ZNF250: variants seen among roughly 807,000 people sequenced by gnomAD.
The protein encoded by ZNF250 is zinc finger protein 250.
A neutral mutation model predicts 37.1 loss-of-function variants in ZNF250; 13 were observed. The observed-to-expected ratio is 0.35, with a 90% CI of 0.23 to 0.56. The LOEUF (loss-of-function observed/expected upper bound fraction) is 0.56, where lower values mean the gene tolerates loss of function less well. ZNF250 is among the 20% of genes least tolerant of loss of function. The pLI, the probability that ZNF250 is intolerant of heterozygous loss-of-function variation, is 0.87. For missense variants in ZNF250, 474 were observed against 697.9 expected, an observed-to-expected ratio of 0.68 and a Z score of 3.61; for synonymous variants, 251 against 265.6, an observed-to-expected ratio of 0.94 and a Z score of 0.54.
chr8:144,891,636 G>A lies in ZNF250; in HGVS notation c.-54-1233C>T, dbSNP rs907166008. On this transcript the variant is annotated intron_variant, in intron 1 of 5. Coordinates refer to ENST00000417550, the MANE Select transcript of ZNF250 (RefSeq NM_001109689.4). This position sits in a 1 kb window ranked among gnomAD's most constrained non-coding sequence, Gnocchi z 4.0. ...GGAGGCCGAGGCAGGCGGATCACCC[G>A]AGGTTGGGAGTTCGAGACCAGCCAT... Among the ~76,000 whole-genome samples the A allele has an allele frequency of 2.0e-5, 3 of 152,146 alleles. No homozygotes were observed. The highest frequency in any genetic ancestry group is 2.9e-5 in the Non-Finnish European group (2 of 68,026).
intron 1 of ZNF250, among the ~76,000 whole-genome samples, chr8:144,900,139 C>A (rs1187343259): frequency 6.6e-6 from 1 of 152,160 alleles, no homozygotes; most frequent in Non-Finnish European, 1.5e-5. Context: ...TTCAATCTCA[C>A]CAATAAACGC....
intron 4 of ZNF250, among the ~76,000 whole-genome samples, chr8:144,888,020 T>C (rs1383063709): frequency 6.6e-6 from 1 of 152,204 alleles, no homozygotes. Flanking sequence ...AAACTGTCCC[T>C]ACTCTCCCCA....
Position 144,886,893 on chromosome 8 carries a change from T to C in ZNF250, c.293A>G (p.Lys98Arg), listed in dbSNP as rs778040644. The C allele has an allele frequency of 1.9e-6, 3 of 1,613,518 alleles. No homozygotes were observed. The highest frequency in any genetic ancestry group is 2.2e-5 in the South Asian group (2 of 91,084). Residue 98 changes from lysine (K) to arginine (R), a missense_variant, in exon 5 of 6, where the codon AAA becomes AGA. By Grantham distance (26) the Lys-to-Arg change is conservative. This residue lies in a region of ZNF250 where 192 missense variants were observed against 227.5 expected (regional missense o/e 0.84). Transcript: ENST00000417550. ...GLWSDYSDNL[K>R]YDHTTACTQQ... ...TGTACAGGCTGTAGTGTGGTCATAT[T>C]TGAGGTTGTCTGGAAAAAAAACAGC... is the stretch of plus-strand genomic sequence containing the variant.
In ZNF250 at chr8:144,882,373, C is replaced by T. The variant is rs1243992414; in HGVS notation, c.810G>A (p.Lys270=). ...RVSSDLAQHH[K]IHTGEKPHEC... ...CGTGAGGCTTCTCTCCTGTATGTAT[C>T]TTGTGATGCTGAGCAAGATCTGAGC... Residue 270 remains lysine, a synonymous_variant, in exon 6 of 6, where the codon AAG becomes AAA. Coordinates refer to ENST00000417550, the MANE Select transcript of ZNF250 (RefSeq NM_001109689.4). This position sits in a 1 kb window ranked among gnomAD's most constrained non-coding sequence, Gnocchi z 5.5. 1 of 1,614,044 alleles carries T rather than the reference C, an allele frequency of 6.2e-7. No individual in the cohort carries two copies. The highest frequency in any genetic ancestry group is 2.2e-5 in the East Asian group (1 of 44,884).
At chr8:144,899,814 C>T (rs2129916696) in intron 1 of ZNF250, among the ~76,000 whole-genome samples, 1 of 152,276 alleles carries the variant, frequency 6.6e-6, no homozygotes, top group South Asian at 2.1e-4. Flanking sequence ...TCCAAACTCA[C>T]CCCACAATAA....
intron 1 of ZNF250, among the ~76,000 whole-genome samples, chr8:144,899,371 CAGA>C (rs1191608465): frequency 2.0e-5 from 3 of 152,008 alleles, no homozygotes; most frequent in African/African-American, 4.8e-5. Context: ...TCAAAACAAC[CAGA>C]AGAAGAGATG....
chr8:144,889,664 G>A lies in ZNF250; in HGVS notation c.200C>T (p.Ser67Phe). The change falls in exon 4 of 6, where the codon TCC becomes TTC. Residue 67 changes from serine to phenylalanine, a missense_variant. Ser to Phe is a radical substitution (Grantham distance 155). Coordinates refer to ENST00000417550, the MANE Select transcript of ZNF250 (RefSeq NM_001109689.4). ...GGGATCTTCCCCTCGCTCCAGCTGG[G>A]AGATTATGTCAGGCTTGGATCCTGG... ...GLPGSKPDII[S>F]QLERGEDPWV... 6.2e-7 allele frequency: 1 copy of A among 1,613,960 alleles called. No homozygotes were observed. Among genetic ancestry groups the A allele is most frequent in the Non-Finnish European group, 8.5e-7 (1 of 1,179,882 alleles).
chr8:144,886,823 AT>A lies in ZNF250; in HGVS notation c.346+16del. The A allele has an allele frequency of 6.2e-7, 1 of 1,610,362 alleles. No individual in the cohort carries two copies. The highest frequency in any genetic ancestry group is 1.1e-5 in the South Asian group (1 of 90,954). ...TCAGAGATTGTACTGAATTAAAAAGATCAGGCATACACTTACCCCATGGACA... is the reference window on the plus strand; with the variant it reads ...TCAGAGATTGTACTGAATTAAAAAGACAGGCATACACTTACCCCATGGACA... On this transcript the variant is annotated intron_variant, in intron 5 of 5. Coordinates refer to ENST00000417550, the MANE Select transcript of ZNF250 (RefSeq NM_001109689.4).
rs543076374 is a variant in ZNF250, at chr8:144,890,066, C to G, written c.43-7G>C. Reference sequence around the variant, plus strand: ...CCTCGAAGGTCAGCTTGGCCTGGAACGACAGGGGCTGCTGCAGGTAAAACC... The same window carrying G: ...CCTCGAAGGTCAGCTTGGCCTGGAAGGACAGGGGCTGCTGCAGGTAAAACC... On this transcript the variant is annotated splice_polypyrimidine_tract_variant and splice_region_variant and intron_variant, in intron 2 of 5. Coordinates refer to ENST00000417550, the MANE Select transcript of ZNF250 (RefSeq NM_001109689.4). The surrounding 1 kb of genome is among the most constrained non-coding windows in gnomAD (Gnocchi z 5.1). 4 of 1,611,388 alleles carry G rather than the reference C, an allele frequency of 2.5e-6. No individual in the cohort carries two copies. The African/African-American group carries it at 5.3e-5, about 21-fold the overall frequency.
intron 5 of ZNF250, among the ~76,000 whole-genome samples, chr8:144,885,783 T>C (rs572923213): frequency 6.6e-6 from 1 of 152,304 alleles, no homozygotes; most frequent in African/African-American, 2.4e-5. Flanking sequence ...AAATAGTTAC[T>C]CATTTACACT....
chr8:144,881,170 T>G lies in ZNF250; in HGVS notation c.*345A>C, dbSNP rs916601009. 12 of 197,808 alleles carry G rather than the reference T, an allele frequency of 6.1e-5. No individual in the cohort carries two copies. The highest frequency in any genetic ancestry group is 1.2e-4 in the Non-Finnish European group (12 of 96,452). 12.3% of individuals were successfully genotyped at this position (197,808 alleles called of 1,614,324 possible). ...AATGTTCTTAGAAAAAGAACTTTAT[T>G]TGGAATGTAAGATTTTATTGGGATA... On this transcript the variant is annotated 3_prime_UTR_variant, in exon 6 of 6. Transcript: ENST00000417550.
chr8:144,891,219 T>C lies in ZNF250; in HGVS notation c.-54-816A>G, dbSNP rs912903578. On this transcript the variant is annotated intron_variant, in intron 1 of 5. Transcript: ENST00000417550. This position sits in a 1 kb window ranked among gnomAD's most constrained non-coding sequence, Gnocchi z 4.0. ...GTCTTCTGGAGCATCAAAAAGAAGA[T>C]ACTGTGACAGGGATACAGAAACCAA... is the stretch of plus-strand genomic sequence containing the variant. Among the ~76,000 whole-genome samples the C allele has an allele frequency of 6.6e-5, 10 of 152,144 alleles. No homozygotes were observed. In the South Asian group the frequency reaches 1.7e-3, roughly 25 times the overall value.
intron 1 of ZNF250, among the ~76,000 whole-genome samples, chr8:144,894,480 T>G (rs1832574587): frequency 6.6e-6 from 1 of 151,994 alleles, no homozygotes; most frequent in South Asian, 2.1e-4. Context: ...CTTAGAGACC[T>G]CTGCCCCACC....
intron 4 of ZNF250, among the ~76,000 whole-genome samples, chr8:144,888,793 G>T (rs1056547424): frequency 2.0e-5 from 3 of 151,790 alleles, no homozygotes; most frequent in African/African-American, 7.3e-5. Context: ...CTGTCCCCCA[G>T]GCTGGAGTGC....
Position 144,880,245 on chromosome 8 carries a change from G to A in ZNF250, c.*1270C>T. 3.6e-6 allele frequency: 1 copy of A among 280,662 alleles called. No homozygotes were observed. The highest frequency in any genetic ancestry group is 7.4e-6 in the Non-Finnish European group (1 of 135,488). The allele number at this position is 280,662 out of a possible 1,614,324, so 17.4% of individuals were successfully genotyped here. A position where few individuals can be genotyped will look rare whatever the true frequency, so the allele number is the denominator to read the frequency against. On this transcript the variant is annotated 3_prime_UTR_variant, in exon 6 of 6. Transcript: ENST00000417550. The stretch of plus-strand genomic sequence containing the variant: ...TTCAAATATAGGAATAGAAATACTA[G>A]AGATAGTAAAAAAGAGCTATCTGAA...
In ZNF250 at chr8:144,882,633, G is replaced by T; in HGVS notation, c.550C>A (p.His184Asn). The T allele has an allele frequency of 1.2e-6, 2 of 1,614,004 alleles. No individual in the cohort carries two copies. The highest frequency in any genetic ancestry group is 8.5e-7 in the Non-Finnish European group (1 of 1,179,902). ...VLSQSMPLTPHQAVPSGERPY... is the reference protein window; with the variant it reads ...VLSQSMPLTPNQAVPSGERPY... ...CTCTCTCCACTAGGCACTGCCTGGT[G>T]CGGAGTGAGTGGCATGCTTTGGCTT... Residue 184 changes from histidine (H) to asparagine (N), a missense_variant, in exon 6 of 6, where the codon CAC becomes AAC. By Grantham distance (68) the His-to-Asn change is moderately conservative. This residue lies in a region of ZNF250 where 192 missense variants were observed against 227.5 expected (regional missense o/e 0.84). Transcript: ENST00000417550. The surrounding 1 kb of genome is among the most constrained non-coding windows in gnomAD (Gnocchi z 5.5).
In ZNF250 at chr8:144,891,925, T is replaced by A. The variant is rs1412430058; in HGVS notation, c.-54-1522A>T. 6.6e-6 allele frequency among the ~76,000 whole-genome samples: 1 copy of A among 152,126 alleles called. No individual in the cohort carries two copies. The highest frequency in any genetic ancestry group is 2.4e-5 in the African/African-American group (1 of 41,406). On this transcript the variant is annotated intron_variant, in intron 1 of 5. Coordinates refer to ENST00000417550, the MANE Select transcript of ZNF250 (RefSeq NM_001109689.4). The surrounding 1 kb of genome is among the most constrained non-coding windows in gnomAD (Gnocchi z 4.0). ...CTGTAATCCCAACTACTCAGGAGGC[T>A]AAGGCAGGAGAATCACTTGAACCCA...
At chr8:144,898,014 C>T (rs1307224359) in intron 1 of ZNF250, among the ~76,000 whole-genome samples, 2 of 152,202 alleles carry the variant, frequency 1.3e-5, no homozygotes, top group South Asian at 4.1e-4. Context: ...CACGGTGCTA[C>T]AGAGATTTTG....
chr8:144,880,097 G>C lies in ZNF250; in HGVS notation c.*1418C>G, dbSNP rs1223386808. On this transcript the variant is annotated 3_prime_UTR_variant, in exon 6 of 6. Coordinates refer to ENST00000417550, the MANE Select transcript of ZNF250 (RefSeq NM_001109689.4). ...AAAAAAAAAAAGTATGCTTAAAACAGAACAAATAATTCTGAATACAAATTT... is the reference window on the plus strand; with the variant it reads ...AAAAAAAAAAAGTATGCTTAAAACACAACAAATAATTCTGAATACAAATTT... 2 of 160,978 alleles carry C rather than the reference G, an allele frequency of 1.2e-5. No homozygotes were observed. Among genetic ancestry groups the C allele is most frequent in the East Asian group, 3.4e-4 (2 of 5,854 alleles). The allele number at this position is 160,978 out of a possible 1,614,324, so 10.0% of individuals were successfully genotyped here. A position where few individuals can be genotyped will look rare whatever the true frequency, so the allele number is the denominator to read the frequency against.
Sources: allele counts gnomAD v4.1 joint callset (sites outside exome capture counted in the v4.1 genomes callset), GRCh38; gene constraint gnomAD v4.1.1; regional missense constraint gnomAD v4.1.1; non-coding constraint Gnocchi (gnomAD v3.1); transcripts MANE v1.5; gene names NCBI Gene and HGNC (gene_info 2026-07-23, HGNC 2026-07-21).